Variants in EML5 observed in about 807,000 individuals in gnomAD.
The protein encoded by EML5 is EMAP like 5.
Under a neutral mutation model 250.0 loss-of-function variants are expected in EML5, and 120 were observed. The ratio of observed to expected loss-of-function variants is 0.48; its 90% confidence interval spans 0.41 to 0.56. EML5 has a LOEUF of 0.56. EML5 is among the 20% of genes least tolerant of loss of function. The pLI is 0.00. For synonymous variants in EML5, 771 were observed against 806.5 expected (o/e 0.96, Z 0.75); for missense variants, 2,006 against 2,437.6 (o/e 0.82, Z 3.73).
intron 1 of EML5, among the ~76,000 whole-genome samples, chr14:88,758,455 A>T (rs1344275666): frequency 6.6e-6 from 1 of 152,168 alleles, no homozygotes; most frequent in Admixed American, 6.5e-5. Context: ...TTGGCCTCCC[A>T]AAATGCTGGG....
intron 7 of EML5, among the ~76,000 whole-genome samples, chr14:88,733,964 A>G (rs1223485353): frequency 7.1e-6 from 1 of 141,682 alleles, no homozygotes; most frequent in African/African-American, 3.2e-5. Flanking sequence ...AAAAATAACA[A>G]CAACAACAAC....
Position 88,616,896 on chromosome 14 carries a change from A to C in EML5, c.5643-17T>G. ...CCTAGAATACTAGAGGGAAGGAACA[A>C]AAGAAAACTCATCATGGCAAGTGCG... On this transcript the variant is annotated splice_polypyrimidine_tract_variant and intron_variant, in intron 41 of 43. Coordinates refer to ENST00000554922, the MANE Select transcript of EML5 (RefSeq NM_183387.3). The C allele has an allele frequency of 6.2e-7, 1 of 1,610,106 alleles. No individual in the cohort carries two copies. Among genetic ancestry groups the C allele is most frequent in the Non-Finnish European group, 8.5e-7 (1 of 1,178,240 alleles).
rs200321497 is a variant in EML5, at chr14:88,673,081, C to CA, written c.3125-7593dup. On this transcript the variant is annotated intron_variant, in intron 21 of 43. Transcript: ENST00000554922. ...ATACCAAAACCTGGCAGAGATGCAA[C>CA]AAAAAAAAGAAAACTCCAGGCCAAT... Among the ~76,000 whole-genome samples the CA allele has an allele frequency of 3.8e-3, 572 of 151,360 alleles. 4 individuals carry two copies. In the East Asian group the frequency reaches 0.041, roughly 11 times the overall value.
Position 88,712,311 on chromosome 14 carries a change from A to G in EML5, c.1617T>C (p.Tyr539=). The change falls in exon 10 of 44, where the codon TAT becomes TAC. Residue 539 remains tyrosine, a synonymous_variant. Transcript: ENST00000554922. The part of the protein sequence containing the change: ...IGQVLVTADD[Y]GIIKLFRYPC... ...GATATCGGAATAATTTTATAATTCC[A>G]TAGTCATCAGCTGTAACTAAAACTT... 1 of 1,612,372 alleles carries G rather than the reference A, an allele frequency of 6.2e-7. No homozygotes were observed. Among genetic ancestry groups the G allele is most frequent in the Non-Finnish European group, 8.5e-7 (1 of 1,179,092 alleles).
At chr14:88,647,933 G>T (rs1232514582) in intron 28 of EML5, among the ~76,000 whole-genome samples, 1 of 152,168 alleles carries the variant, frequency 6.6e-6, no homozygotes. Context: ...GGTAGCACTG[G>T]AGATACTTCA....
At chr14:88,664,260 G>A (rs2092234645) in intron 23 of EML5, among the ~76,000 whole-genome samples, 2 of 138,132 alleles carry the variant, frequency 1.4e-5, no homozygotes, top group Non-Finnish European at 3.0e-5. Flanking sequence ...CTGGGTGACA[G>A]AGTGAGACCT....
At chr14:88,698,075 C>T (rs566339658) in intron 14 of EML5, among the ~76,000 whole-genome samples, 2 of 152,246 alleles carry the variant, frequency 1.3e-5, no homozygotes, top group South Asian at 4.2e-4. Context: ...AATAACACTG[C>T]AATCAGCCAA....
rs1320856821 is a variant in EML5 at position 88,754,669 on chromosome 14, A to C, written c.200T>G (p.Leu67Arg). Residue 67 changes from leucine (L) to arginine (R), a missense_variant and splice_region_variant, in exon 2 of 44, where the codon CTT (leucine) becomes CGT (arginine). Physicochemically the swap from Leu to Arg is moderately radical, Grantham distance 102 (BLOSUM62 -2). Coordinates refer to ENST00000554922, the MANE Select transcript of EML5 (RefSeq NM_183387.3). ...CAACACTCGTTCAGGATGCAATGCA[A>C]GGCTGTAAAATAAGGAAATAAATAA... ...YRGHSDDIISLALHPERVLVA... is the reference protein window; with the variant it reads ...YRGHSDDIISRALHPERVLVA... 1.5e-5 allele frequency: 24 copies of C among 1,601,202 alleles called. No homozygotes were observed. The highest frequency in any genetic ancestry group is 2.0e-5 in the Non-Finnish European group (23 of 1,174,698).
At position 88,658,288 on chromosome 14, in the gene EML5, G is replaced by A. The variant is rs1044031865; in HGVS notation, c.3776C>T (p.Thr1259Ile). The change falls in exon 26 of 44, where the codon ACA becomes ATA. Residue 1259 changes from threonine (T) to isoleucine (I), a missense_variant. Around this residue, in one of 7 missense-constraint regions of EML5, gnomAD observed 1,375 missense variants for 1,590.3 expected, o/e 0.86. Coordinates refer to ENST00000554922, the MANE Select transcript of EML5 (RefSeq NM_183387.3). The part of the protein sequence containing the change: ...DDSMLVTLGG[T>I]DMSLMVWTNE... ...TGTCCACACCATTAAAGACATATCT[G>A]TACCGCCTAGGGTAACCAACATGCT... 6.2e-6 allele frequency: 10 copies of A among 1,613,754 alleles called. No individual in the cohort carries two copies. The highest frequency in any genetic ancestry group is 7.6e-6 in the Non-Finnish European group (9 of 1,179,820).
Position 88,622,731 on chromosome 14 carries a change from C to T in EML5, c.4899-13G>A, listed in dbSNP as rs748816180. 6.3e-7 allele frequency: 1 copy of T among 1,577,454 alleles called. No homozygotes were observed. Among genetic ancestry groups the T allele is most frequent in the Admixed American group, 1.8e-5 (1 of 56,074 alleles). ...TCCTTCTTTTGACCTAAGTAAATAA[C>T]CAAGCCAGAGTAAGTGTTCATTATT... On this transcript the variant is annotated splice_polypyrimidine_tract_variant and intron_variant, in intron 36 of 43. Transcript: ENST00000554922.
rs563367206 is a variant in EML5 at position 88,726,466 on chromosome 14, C to T, written c.1187+75G>A. On this transcript the variant is annotated intron_variant, in intron 8 of 43. Transcript: ENST00000554922. ...ACAACAAGTATTATATATTCTGTAT[C>T]GCTGAAGAGAAAATTACTTATATTC... 3.0e-4 allele frequency: 380 copies of T among 1,285,928 alleles called. 1 individual carries two copies. Among genetic ancestry groups the T allele is most frequent in the Non-Finnish European group, 3.6e-4 (343 of 955,854 alleles). 79.7% of individuals were successfully genotyped at this position (1,285,928 alleles called of 1,614,324 possible). A position where few individuals can be genotyped will look rare whatever the true frequency, so the allele number is the denominator to read the frequency against.
intron 20 of EML5, 73 bp from the exon 21 acceptor site, chr14:88,682,104 C>A (rs971786067): frequency 1.3e-5 from 18 of 1,335,630 alleles, no homozygotes; most frequent in Admixed American, 8.4e-5. Context: ...TAGAATAAAG[C>A]TAAAGATACC....
intron 1 of EML5, among the ~76,000 whole-genome samples, chr14:88,789,753 A>ATGAT: frequency 6.6e-6 from 1 of 152,178 alleles, no homozygotes; most frequent in East Asian, 1.9e-4. Flanking sequence ...CAGTAAGCAA[A>ATGAT]TGATAGACTA....
rs376847921 is a variant in EML5, at chr14:88,699,886, T to C, written c.2238+2560A>G. 4.6e-5 allele frequency among the ~76,000 whole-genome samples: 7 copies of C among 152,294 alleles called. No homozygotes were observed. In the South Asian group the frequency reaches 1.0e-3, roughly 23 times the overall value. On this transcript the variant is annotated intron_variant, in intron 14 of 43. Coordinates refer to ENST00000554922, the MANE Select transcript of EML5 (RefSeq NM_183387.3). ...AGATTAATCCTATTTATCTCCATTTTAGATATGTTGAATCTGAGTTGCCCA... is the reference window on the plus strand; with the variant it reads ...AGATTAATCCTATTTATCTCCATTTCAGATATGTTGAATCTGAGTTGCCCA...
chr14:88,706,484 A>G (rs2093319453), intron 10 of EML5, 58 bp from the exon 11 acceptor site: 1 of 1,295,140 alleles, frequency 7.7e-7, no homozygotes, highest in Non-Finnish European at 1.0e-6. Flanking sequence ...ATACCATTTC[A>G]AACAATTTTT....
intron 1 of EML5, among the ~76,000 whole-genome samples, chr14:88,783,342 A>G (rs2094517175): frequency 6.6e-6 from 1 of 152,196 alleles, no homozygotes; most frequent in Non-Finnish European, 1.5e-5. Context: ...TCTCCAATCA[A>G]AAGAAATAGA....
chr14:88,747,375 G>A (rs1465616994), intron 2 of EML5, among the ~76,000 whole-genome samples: 1 of 152,018 alleles, frequency 6.6e-6, no homozygotes, highest in East Asian at 1.9e-4. Flanking sequence ...TCGTTCCACT[G>A]CACTCTAGCC....
chr14:88,756,305 A>T (rs1162883843), intron 1 of EML5, among the ~76,000 whole-genome samples: 2 of 152,214 alleles, frequency 1.3e-5, no homozygotes, highest in African/African-American at 4.8e-5. Context: ...GACAAAACCC[A>T]ATCCCTTCAT....
intron 25 of EML5, among the ~76,000 whole-genome samples, chr14:88,659,942 T>C (rs182830246): frequency 1.0e-3 from 157 of 152,298 alleles, no homozygotes; most frequent in Non-Finnish European, 2.0e-3. Context: ...ATGTTCATGT[T>C]GGTGCCAGAG....
Sources: gnomAD v4.1 joint callset for allele counts (sites outside exome capture counted in the v4.1 genomes callset) on GRCh38, gnomAD v4.1.1 for gene constraint, gnomAD v4.1.1 regional missense constraint, MANE v1.5 for transcripts, NCBI Gene and HGNC (gene_info 2026-07-23, HGNC 2026-07-21) for gene names.